The following ZC3H12B variants were observed in gnomAD, a reference collection of about 807,000 sequenced individuals.
ZC3H12B encodes probable ribonuclease ZC3H12B.
ZC3H12B carries 7 observed loss-of-function variants against 43.9 expected under a neutral mutation model. The ratio of observed to expected loss-of-function variants is 0.16; its 90% CI spans 0.09 to 0.30. ZC3H12B has a LOEUF of 0.30. Among genes scored for constraint, ZC3H12B ranks in the 10% least tolerant of loss-of-function variants. ZC3H12B has a pLI of 1.00. For missense variants in ZC3H12B, 475 were observed against 670.2 expected (o/e 0.71, Z 3.22); for synonymous variants, 222 against 241.7 (o/e 0.92, Z 0.76).
the ZC3H12B span, among the ~76,000 whole-genome samples, chrX:65,263,523 C>G: frequency 9.0e-6 from 1 of 110,849 alleles, no homozygotes; most frequent in Non-Finnish European, 1.9e-5. Context: ...GTCCAGGAAA[C>G]TGGAACATTT....
At chrX:65,122,205 G>T in the ZC3H12B span, among the ~76,000 whole-genome samples, 1 of 110,741 alleles carries the variant, frequency 9.0e-6, no homozygotes, top group East Asian at 2.9e-4. Flanking sequence ...AAGTCTACAA[G>T]CTAGAAGAGA....
chrX:65,330,758 C>T, the ZC3H12B span: 1 of 133,464 alleles, frequency 7.5e-6, no homozygotes, highest in African/African-American at 3.2e-5. Flanking sequence ...ATGAAGCCCA[C>T]TTGATCATGG....
At chrX:65,160,910 T>A in the ZC3H12B span, among the ~76,000 whole-genome samples, 1 of 111,353 alleles carries the variant, frequency 9.0e-6, no homozygotes, top group Admixed American at 9.6e-5. Context: ...TGCTATAAAT[T>A]TCCCTCTACA....
chrX:65,175,350 G>C, the ZC3H12B span, among the ~76,000 whole-genome samples: 2 of 111,508 alleles, frequency 1.8e-5, no homozygotes, highest in East Asian at 5.6e-4. Context: ...TCTCCGTTTT[G>C]CATGTAACAT....
chrX:65,231,069 G>T, the ZC3H12B span, among the ~76,000 whole-genome samples: 4 of 111,336 alleles, frequency 3.6e-5, no homozygotes, highest in Non-Finnish European at 3.8e-5. Flanking sequence ...GCCGGTCTGA[G>T]AAATAAAAAG....
At chrX:65,113,993 A>G in the ZC3H12B span, among the ~76,000 whole-genome samples, 10 of 26,212 alleles carry the variant, frequency 3.8e-4, no homozygotes, top group African/African-American at 3.3e-3. Context: ...TTGTATATAT[A>G]TATATATATA....
chrX:65,136,543 G>A, the ZC3H12B span, among the ~76,000 whole-genome samples: 1 of 110,997 alleles, frequency 9.0e-6, no homozygotes, highest in Non-Finnish European at 1.9e-5. Context: ...TTTTTCTGTG[G>A]TGTTTTGCTA....
the ZC3H12B span, among the ~76,000 whole-genome samples, chrX:65,120,239 G>A: frequency 2.0e-4 from 22 of 111,982 alleles, no homozygotes; most frequent in East Asian, 5.9e-3. Context: ...ACCTTGGGCA[G>A]TATGGCCATT....
the ZC3H12B span, among the ~76,000 whole-genome samples, chrX:65,119,343 T>C: frequency 8.9e-6 from 1 of 112,005 alleles, no homozygotes; most frequent in African/African-American, 3.2e-5. Flanking sequence ...ATCACCATTC[T>C]AACTGTTGTG....
At chrX:65,198,285 G>A in the ZC3H12B span, among the ~76,000 whole-genome samples, 1 of 112,027 alleles carries the variant, frequency 8.9e-6, no homozygotes, top group African/African-American at 3.2e-5. Flanking sequence ...TATATTTACA[G>A]TTTTATAGCA....
chrX:65,102,069 G>T, the ZC3H12B span, among the ~76,000 whole-genome samples: 2 of 111,854 alleles, frequency 1.8e-5, no homozygotes, highest in Non-Finnish European at 3.8e-5. Flanking sequence ...GGGATGCAAG[G>T]CTGGTTCAGC....
chrX:65,252,418 C>T, the ZC3H12B span, among the ~76,000 whole-genome samples: 1 of 111,685 alleles, frequency 9.0e-6, no homozygotes, highest in African/African-American at 3.3e-5. Flanking sequence ...GTGTCTCTGC[C>T]AGGGCCAGGC....
Position 65,388,390 on chromosome X carries a change from T to C in ZC3H12B, n.296-10203T>C, listed in dbSNP as rs374713352. Reference sequence around the variant, plus strand: ...TCTCTTCTTGCTTCATTTCATTCATTTGATCTCCCATCACTGATACTTTTT... The same window carrying C: ...TCTCTTCTTGCTTCATTTCATTCATCTGATCTCCCATCACTGATACTTTTT... On this transcript the variant is annotated intron_variant and non_coding_transcript_variant, in intron 2 of 5. Coordinates refer to the ZC3H12B transcript ENST00000617377. 1.6e-4 allele frequency among the ~76,000 whole-genome samples: 18 copies of C among 112,201 alleles called. 1 individual carries two copies. In the East Asian group the frequency reaches 1.7e-3, roughly 10 times the overall value.
chrX:65,104,961 T>G, the ZC3H12B span, among the ~76,000 whole-genome samples: 5 of 111,892 alleles, frequency 4.5e-5, no homozygotes. Flanking sequence ...ACACGTATAT[T>G]TATTGTAGCA....
chrX:65,319,619 A>C, the ZC3H12B span, among the ~76,000 whole-genome samples: 13 of 111,365 alleles, frequency 1.2e-4, no homozygotes, highest in African/African-American at 2.6e-4. Context: ...GACACACACA[A>C]AAAAAGGAAA....
intron 2 of ZC3H12B, 46 bp downstream of exon 7, chrX:65,497,317 G>A: frequency 8.8e-7 from 1 of 1,133,927 alleles, no homozygotes; most frequent in Non-Finnish European, 1.2e-6. Context: ...AGGCAAATCT[G>A]GAAAGATAGT....
chrX:65,075,249 A>T, the ZC3H12B span, among the ~76,000 whole-genome samples: 1 of 112,489 alleles, frequency 8.9e-6, no homozygotes, highest in Non-Finnish European at 1.9e-5. Flanking sequence ...TCTAGAGTGT[A>T]CTGAACCATA....
intron 3 of ZC3H12B, among the ~76,000 whole-genome samples, chrX:65,499,633 G>A (rs1023352848): frequency 1.8e-5 from 2 of 111,525 alleles, no homozygotes; most frequent in African/African-American, 6.5e-5. Flanking sequence ...GGGGGAACCA[G>A]CAGACATGCC....
chrX:65,240,398 A>G, the ZC3H12B span, among the ~76,000 whole-genome samples: 6 of 111,452 alleles, frequency 5.4e-5, no homozygotes, highest in Non-Finnish European at 1.1e-4. Context: ...TCAATTTCTC[A>G]TATGTTTTAA....
Sources: allele counts gnomAD v4.1 joint callset (sites outside exome capture counted in the v4.1 genomes callset), GRCh38; gene constraint gnomAD v4.1.1; transcripts MANE v1.5; gene names NCBI Gene and HGNC (gene_info 2026-07-23, HGNC 2026-07-21).